CLUH: variants seen among roughly 807,000 people sequenced by gnomAD.
CLUH encodes the protein CLUH binding protein of NUMT mRNA, also known as clustered mitochondria protein homolog.
A neutral mutation model predicts 139.3 loss-of-function variants in CLUH; 77 were observed. The ratio of observed to expected loss-of-function variants is 0.55; its 90% CI spans 0.46 to 0.67. CLUH has a LOEUF of 0.67. CLUH is among the 30% of genes least tolerant of loss of function. The pLI, the probability that CLUH is intolerant of heterozygous loss-of-function variation, is 0.00. For missense variants in CLUH, 1,876 were observed against 1,875.8 expected, an observed-to-expected ratio of 1.00 and a Z score of 0.00; for synonymous variants, 999 against 801.6, an observed-to-expected ratio of 1.25 and a Z score of -4.16.
At position 2,695,842 on chromosome 17, in the gene CLUH, CCAGA is replaced by C. The variant is rs542308482; in HGVS notation, c.2391+313_2391+316del. The C allele has an allele frequency of 2.1e-3, 1,195 of 578,122 alleles. 4 individuals carry two copies. Among genetic ancestry groups the C allele is most frequent in the Non-Finnish European group, 3.0e-3 (976 of 327,018 alleles). The allele number at this position is 578,122 out of a possible 1,614,324, so 35.8% of individuals were successfully genotyped here. ...TGGGGGAGCACCCAGCATCCTGGAA[CCAGA>C]CACAGAGCCTGCGGGAGGAGGAGGA... On this transcript the variant is annotated intron_variant, in intron 13 of 25. Transcript: ENST00000651024.
rs1464701652 is a variant in CLUH at position 2,694,511 on chromosome 17, A to G, written c.2906T>C (p.Leu969Pro). Residue 969 changes from leucine to proline, a missense_variant, in exon 17 of 26, where the codon CTG becomes CCG. Physicochemically the swap from Leu to Pro is moderately conservative, Grantham distance 98. This residue lies in a region of CLUH where 1,454 missense variants were observed against 1,384.4 expected (regional missense o/e 1.05). Coordinates refer to ENST00000651024, the MANE Select transcript of CLUH (RefSeq NM_001366661.1). ...CCCTGTTTTCAGCGAGATCTCCCGC[A>G]GGAGCGTTATCTTCTGCAGGCCGTA... ...ETYGLQKITL[L>P]REISLKTGIQ... The G allele has an allele frequency of 6.3e-7, 1 of 1,584,202 alleles. No individual in the cohort carries two copies. The highest frequency in any genetic ancestry group is 1.2e-5 in the South Asian group (1 of 86,206).
Position 2,696,264 on chromosome 17 carries a change from AGGAG to A in CLUH, c.2291-9_2291-6del. On this transcript the variant is annotated splice_region_variant and splice_polypyrimidine_tract_variant and intron_variant, in intron 12 of 25. Transcript: ENST00000651024. ...AGGACTCAGGGAAACGAACCCCTGG[AGGAG>A]GGAGAGCAGAGAGGCTGAGCCAGGC... 1.3e-6 allele frequency: 2 copies of A among 1,567,384 alleles called. No homozygotes were observed. Among genetic ancestry groups the A allele is most frequent in the South Asian group, 1.2e-5 (1 of 85,100 alleles).
Position 2,692,559 on chromosome 17 carries a change from C to A in CLUH, c.3438+12G>T. ...AGCTGGGTCCCTGCCGCCCCCCCGC[C>A]CCAGCACTCACGTCCAGCAGCGCCA... On this transcript the variant is annotated intron_variant, in intron 21 of 25. Transcript: ENST00000651024. The A allele has an allele frequency of 6.2e-7, 1 of 1,608,998 alleles. No individual in the cohort carries two copies. Among genetic ancestry groups the A allele is most frequent in the Non-Finnish European group, 8.5e-7 (1 of 1,178,660 alleles).
chr17:2,691,992 CCCGCCG>C lies in CLUH; in HGVS notation c.3654+6_3654+11del. On this transcript the variant is annotated splice_donor_region_variant and intron_variant, in intron 23 of 25. Coordinates refer to ENST00000651024, the MANE Select transcript of CLUH (RefSeq NM_001366661.1). ...GCCCCGCCCCCGCCCCCGCCACGCCCCCGCCGCGCACCTGCGTCTTGTAGATGGTGT... is the reference window on the plus strand; with the variant it reads ...GCCCCGCCCCCGCCCCCGCCACGCCCCGCACCTGCGTCTTGTAGATGGTGT... The C allele has an allele frequency of 7.3e-7, 1 of 1,376,584 alleles. No homozygotes were observed. The highest frequency in any genetic ancestry group is 9.5e-7 in the Non-Finnish European group (1 of 1,049,362). The allele number at this position is 1,376,584 out of a possible 1,614,324, so 85.3% of individuals were successfully genotyped here.
In CLUH at chr17:2,692,860, C is replaced by T. The variant is rs779386864; in HGVS notation, c.3232G>A (p.Ala1078Thr). 2 of 1,589,554 alleles carry T rather than the reference C, an allele frequency of 1.3e-6. No homozygotes were observed. The highest frequency in any genetic ancestry group is 1.7e-6 in the Non-Finnish European group (2 of 1,165,698). Reference protein sequence around the residue: ...LHYIMGDYAEALSNQQKAVLM... With the variant: ...LHYIMGDYAETLSNQQKAVLM... Reference sequence around the variant, plus strand: ...ACCGCCTTCTGCTGGTTACTCAGGGCCTGGGGAGAGACAGTGGTGGTTGCC... The same window carrying T: ...ACCGCCTTCTGCTGGTTACTCAGGGTCTGGGGAGAGACAGTGGTGGTTGCC... Residue 1078 changes from alanine (A) to threonine (T), a missense_variant and splice_region_variant, in exon 20 of 26, where the codon GCC becomes ACC. Ala to Thr is a moderately conservative substitution (Grantham distance 58). Around this residue, in one of 3 missense-constraint regions of CLUH, gnomAD observed 1,454 missense variants for 1,384.4 expected, o/e 1.05. Transcript: ENST00000651024.
In CLUH at chr17:2,695,366, GCACT is replaced by G; in HGVS notation, c.2544+4_2544+7del. On this transcript the variant is annotated splice_donor_5th_base_variant and intron_variant, in intron 14 of 25. Coordinates refer to ENST00000651024, the MANE Select transcript of CLUH (RefSeq NM_001366661.1). ...CTCCCGTTCCGCCCCACCCCGGGCA[GCACT>G]CACAAAGACGTGGTCCAGCTGGTGG... is the stretch of plus-strand genomic sequence containing the variant. 6.2e-7 allele frequency: 1 copy of G among 1,613,026 alleles called. No individual in the cohort carries two copies. Among genetic ancestry groups the G allele is most frequent in the Non-Finnish European group, 8.5e-7 (1 of 1,179,696 alleles).
In CLUH at chr17:2,690,472, T is replaced by C. The variant is rs1470393730; in HGVS notation, c.*122A>G. Reference sequence around the variant, plus strand: ...CTCCCAGGAGGACACGGGGGTGGGGTGGGGTGAGACGTGGAGGAAGAGGGC... The same window carrying C: ...CTCCCAGGAGGACACGGGGGTGGGGCGGGGTGAGACGTGGAGGAAGAGGGC... On this transcript the variant is annotated 3_prime_UTR_variant, in exon 26 of 26. Transcript: ENST00000651024. The C allele has an allele frequency of 1.5e-5, 13 of 854,194 alleles. No individual in the cohort carries two copies. Among genetic ancestry groups the C allele is most frequent in the Non-Finnish European group, 2.0e-5 (12 of 610,720 alleles). The allele number at this position is 854,194 out of a possible 1,614,324, so 52.9% of individuals were successfully genotyped here.
intron 13 of CLUH, 144 bp downstream of exon 13, chr17:2,696,015 A>C: frequency 1.5e-6 from 1 of 675,226 alleles, no homozygotes; most frequent in Non-Finnish European, 2.5e-6. Context: ...CAGGCTCCCC[A>C]TCTGTCAAAC....
intron 22 of CLUH, 111 bp downstream of exon 22, chr17:2,692,250 G>A: frequency 6.9e-7 from 1 of 1,448,280 alleles, no homozygotes; most frequent in Non-Finnish European, 9.2e-7. Context: ...GGGAGGTCGA[G>A]AGAAATTTTC....
chr17:2,697,969 CGGCGCGG>C lies in CLUH; in HGVS notation c.1881_1887del (p.Arg628AlafsTer30). 1 of 1,574,910 alleles carries C rather than the reference CGGCGCGG, an allele frequency of 6.3e-7. No individual in the cohort carries two copies. On this transcript the variant is annotated frameshift_variant, in exon 10 of 26. Transcript: ENST00000651024. LOFTEE classifies it high-confidence loss of function. ...TTGTGCCGGTGGGCGCGGGGGAAGC[CGGCGCGG>C]GCGCATTCCTCAGGCAGCTCCTCGC...
Position 2,703,531 on chromosome 17 carries a change from T to C in CLUH, c.304-42A>G. On this transcript the variant is annotated intron_variant, in intron 2 of 25. Transcript: ENST00000651024. This position sits in a 1 kb window ranked among gnomAD's most constrained non-coding sequence, Gnocchi z 4.2. ...CCGCCCACCCCGGTGAGAGAGCACG[T>C]AGCGGGGAGAGAAGGCCCCAACCGC... 2.5e-6 allele frequency: 4 copies of C among 1,593,324 alleles called. No homozygotes were observed. The highest frequency in any genetic ancestry group is 3.4e-6 in the Non-Finnish European group (4 of 1,166,922).
intron 23 of CLUH, 41 bp from the exon 24 acceptor site, chr17:2,691,936 CGCG>C (rs1471625167): frequency 0.014 from 15,233 of 1,121,290 alleles, 220 homozygotes; most frequent in Non-Finnish European, 0.015. Context: ...CCCGTGCCCC[CGCG>C]GCCCCGCCCC....
Position 2,691,994 on chromosome 17 carries a change from C to T in CLUH, c.3654+10G>A, listed in dbSNP as rs777534525. 2.6e-5 allele frequency: 36 copies of T among 1,391,722 alleles called. 3 individuals are homozygous for T. Among genetic ancestry groups the T allele is most frequent in the East Asian group, 1.7e-4 (5 of 29,656 alleles). The allele number at this position is 1,391,722 out of a possible 1,614,324, so 86.2% of individuals were successfully genotyped here. On this transcript the variant is annotated intron_variant, in intron 23 of 25. Transcript: ENST00000651024. Reference sequence around the variant, plus strand: ...CCCGCCCCCGCCCCCGCCACGCCCCCGCCGCGCACCTGCGTCTTGTAGATG... The same window carrying T: ...CCCGCCCCCGCCCCCGCCACGCCCCTGCCGCGCACCTGCGTCTTGTAGATG...
At chr17:2,696,375 CCCCCCAGCGAAGCTCTGGCCCTGGAGGG>C in intron 12 of CLUH, 31 bp downstream of exon 12, 2 of 1,512,648 alleles carry the variant, frequency 1.3e-6, no homozygotes, top group Admixed American at 3.9e-5. Flanking sequence ...AGGGCCCAGG[CCCCCCAGCGAAGCTCTGGCCCTGGAGGG>C]CTCCTGCGCT....
Position 2,707,971 on chromosome 17 carries a change from G to A in CLUH, c.101-3407C>T. The A allele has an allele frequency of 1.0e-6, 1 of 985,438 alleles. No individual in the cohort carries two copies. The highest frequency in any genetic ancestry group is 4.7e-5 in the South Asian group (1 of 21,290). 61.0% of individuals were successfully genotyped at this position (985,438 alleles called of 1,614,324 possible). On this transcript the variant is annotated intron_variant, in intron 1 of 25. Transcript: ENST00000651024. The surrounding 1 kb of genome is among the most constrained non-coding windows in gnomAD (Gnocchi z 7.4). ...CCAGGCTCCATCAAGAAGCTGGCAG[G>A]CTCCATCTTCCCTTCCCAGCAGCCC...
chr17:2,707,975 C>T lies in CLUH; in HGVS notation c.101-3411G>A. ...GCTCCATCAAGAAGCTGGCAGGCTC[C>T]ATCTTCCCTTCCCAGCAGCCCCGGC... On this transcript the variant is annotated intron_variant, in intron 1 of 25. Coordinates refer to ENST00000651024, the MANE Select transcript of CLUH (RefSeq NM_001366661.1). The surrounding 1 kb of genome is among the most constrained non-coding windows in gnomAD (Gnocchi z 7.4). The T allele has an allele frequency of 1.0e-6, 1 of 985,448 alleles. No homozygotes were observed. The highest frequency in any genetic ancestry group is 1.2e-6 in the Non-Finnish European group (1 of 829,918). The allele number at this position is 985,448 out of a possible 1,614,324, so 61.0% of individuals were successfully genotyped here.
chr17:2,692,212 A>ACAG lies in CLUH; in HGVS notation c.3561-118_3561-116dup, dbSNP rs2069718782. On this transcript the variant is annotated intron_variant, in intron 22 of 25. Coordinates refer to ENST00000651024, the MANE Select transcript of CLUH (RefSeq NM_001366661.1). Reference sequence around the variant, plus strand: ...CCCTCCCTGGAAGCCACCGAGGGGAACAGCAAGTCCAGGGCTCAGGGAAGA... The same window carrying ACAG: ...CCCTCCCTGGAAGCCACCGAGGGGAACAGCAGCAAGTCCAGGGCTCAGGGAAGA... 2.2e-5 allele frequency: 32 copies of ACAG among 1,440,212 alleles called. 1 individual carries two copies. In the South Asian group the frequency reaches 3.9e-4, roughly 18 times the overall value. The allele number at this position is 1,440,212 out of a possible 1,614,324, so 89.2% of individuals were successfully genotyped here. A position where few individuals can be genotyped will look rare whatever the true frequency, so the allele number is the denominator to read the frequency against.
In CLUH at chr17:2,698,473, T is replaced by C. The variant is rs769320744; in HGVS notation, c.1384A>G (p.Ile462Val). The stretch of plus-strand genomic sequence containing the variant: ...ACGTCGAAGCCCAGGCTGAAGAAGA[T>C]GTTGTTCCAGATGAACATCTGCATC... ...TKMQMFIWNN[I>V]FFSLGFDVRD... The change falls in exon 10 of 26, where the codon ATC becomes GTC. Residue 462 changes from isoleucine to valine, a missense_variant. Coordinates refer to ENST00000651024, the MANE Select transcript of CLUH (RefSeq NM_001366661.1). 4.3e-6 allele frequency: 7 copies of C among 1,613,262 alleles called. No individual in the cohort carries two copies. The highest frequency in any genetic ancestry group is 5.1e-6 in the Non-Finnish European group (6 of 1,179,804).
In CLUH at chr17:2,701,093, T is replaced by C. The variant is rs775036222; in HGVS notation, c.1025+47A>G. The C allele has an allele frequency of 1.7e-5, 28 of 1,612,492 alleles. No homozygotes were observed. In the East Asian group the frequency reaches 1.8e-4, roughly 10 times the overall value. On this transcript the variant is annotated intron_variant, in intron 7 of 25. Transcript: ENST00000651024. The stretch of plus-strand genomic sequence containing the variant: ...AGTGCAGGTGGGCCGGCTCACCCCA[T>C]GCCCCCGTGTGCCATGAGACAAGGC...
Sources: gnomAD v4.1 joint callset for allele counts on GRCh38, gnomAD v4.1.1 for gene constraint, gnomAD v4.1.1 regional missense constraint, Gnocchi (gnomAD v3.1) non-coding constraint, MANE v1.5 for transcripts, NCBI Gene and HGNC (gene_info 2026-07-23, HGNC 2026-07-21) for gene names.